The following ANKRD30BL variants were observed in gnomAD, a reference collection of about 807,000 sequenced individuals.
ANKRD30BL encodes the protein ankyrin repeat domain 30B like, also known as putative ankyrin repeat domain-containing protein 30B-like.
A neutral mutation model predicts 18.4 loss-of-function variants in ANKRD30BL; 20 were observed. That is an observed-to-expected ratio of 1.09 (90% CI 0.77 to 1.58). ANKRD30BL has a LOEUF of 1.58. ANKRD30BL is among the 40% of genes most tolerant of loss of function. ANKRD30BL has a pLI of 0.00. For synonymous variants in ANKRD30BL, 72 were observed against 100.9 expected (o/e 0.71, Z 1.72); for missense variants, 224 against 268.6 (o/e 0.83, Z 1.16).
upstream of ANKRD30BL, among the ~76,000 whole-genome samples, chr2:132,164,269 C>CTTTTTTTTTTTTTTTTTTTTTTTT (rs796313755): frequency 4.5e-4 from 50 of 112,202 alleles, 3 homozygotes; most frequent in East Asian, 5.2e-3. Flanking sequence ...TTTTCTTTTT[C>CTTTTTTTTTTTTTTTTTTTTTTTT]TTTTTTTTTT....
chr2:132,165,558 C>CAAAAA (rs71001174), upstream of ANKRD30BL, among the ~76,000 whole-genome samples: 125 of 135,164 alleles, frequency 9.2e-4, no homozygotes, highest in African/African-American at 2.9e-3. Flanking sequence ...TAGTAAAATA[C>CAAAAA]AAAAAAAAAA....
intron 1 of ANKRD30BL, among the ~76,000 whole-genome samples, chr2:132,221,380 C>A (rs1437972968): frequency 7.1e-6 from 1 of 141,540 alleles, no homozygotes; most frequent in Non-Finnish European, 1.5e-5. Context: ...GGGGGGTCAG[C>A]CCCCTGCCCG....
rs184921431 is a variant in ANKRD30BL at position 132,227,615 on chromosome 2, G to A, written n.441+29914C>T. 1.6e-3 allele frequency among the ~76,000 whole-genome samples: 243 copies of A among 152,240 alleles called. 1 individual carries two copies. The highest frequency in any genetic ancestry group is 5.4e-3 in the African/African-American group (226 of 41,562). On this transcript the variant is annotated intron_variant and non_coding_transcript_variant, in intron 1 of 4. Transcript: ENST00000470729. Reference sequence around the variant, plus strand: ...TTGATGTGTACATTCAACTCACAGAGTTAAAACTTTCTTTTGATTGGGAAG... The same window carrying A: ...TTGATGTGTACATTCAACTCACAGAATTAAAACTTTCTTTTGATTGGGAAG...
intron 1 of ANKRD30BL, among the ~76,000 whole-genome samples, chr2:132,248,127 C>T (rs1680550801): frequency 6.6e-6 from 1 of 151,812 alleles, no homozygotes; most frequent in African/African-American, 2.4e-5. Flanking sequence ...AGGCCTCAAA[C>T]AGCTCAGAAA....
intron 1 of ANKRD30BL, among the ~76,000 whole-genome samples, chr2:132,206,537 T>C (rs960515455): frequency 4.6e-5 from 7 of 152,190 alleles, no homozygotes; most frequent in African/African-American, 1.7e-4. Flanking sequence ...AGAATTATAA[T>C]AGTAAACTAC....
chr2:132,215,794 AAC>A (rs1408702954), intron 1 of ANKRD30BL, among the ~76,000 whole-genome samples: 1 of 152,130 alleles, frequency 6.6e-6, no homozygotes, highest in African/African-American at 2.4e-5. Flanking sequence ...GTAGTTTTCA[AAC>A]ACTCTTTCTG....
At chr2:132,198,254 ACCTTCTTTCTTTCTTTTCTTT>A (rs1558928346) in intron 1 of ANKRD30BL, among the ~76,000 whole-genome samples, 22 of 133,934 alleles carry the variant, frequency 1.6e-4, no homozygotes, top group African/African-American at 6.8e-4. Flanking sequence ...AATTTACTAT[ACCTTCTTTCTTTCTTTTCTTT>A]CTTTCTTTCT....
At chr2:132,212,192 C>T (rs1388039349) in intron 1 of ANKRD30BL, among the ~76,000 whole-genome samples, 1 of 151,338 alleles carries the variant, frequency 6.6e-6, no homozygotes, top group African/African-American at 2.4e-5. Context: ...ATTCTTTTTG[C>T]AGAATCTGCA....
At chr2:132,162,304 C>G (rs993942483), upstream of ANKRD30BL, among the ~76,000 whole-genome samples, 1 of 152,212 alleles carries the variant, frequency 6.6e-6, no homozygotes, top group African/African-American at 2.4e-5. Context: ...CGGCTGGTGG[C>G]GCTGGCAGGG....
chr2:132,199,358 CAAATAAATAAAT>C (rs530697723), intron 1 of ANKRD30BL, among the ~76,000 whole-genome samples: 2 of 151,788 alleles, frequency 1.3e-5, no homozygotes, highest in South Asian at 4.2e-4. Context: ...GACTCCGTCT[CAAATAAATAAAT>C]AAATAAATAA....
chr2:132,180,975 A>C (rs558905623), intron 1 of ANKRD30BL, among the ~76,000 whole-genome samples: 38 of 151,864 alleles, frequency 2.5e-4, no homozygotes, highest in Non-Finnish European at 5.1e-4. Context: ...GTGAAACTCC[A>C]TCTCTACTAA....
chr2:132,197,498 A>G (rs1038157201), intron 1 of ANKRD30BL, among the ~76,000 whole-genome samples: 58 of 151,590 alleles, frequency 3.8e-4, no homozygotes, highest in Admixed American at 1.3e-3. Context: ...ATTTCCTTCC[A>G]TTAGGTATGT....
chr2:132,202,573 T>C (rs1679129400), intron 1 of ANKRD30BL, among the ~76,000 whole-genome samples: 1 of 151,966 alleles, frequency 6.6e-6, no homozygotes, highest in African/African-American at 2.4e-5. Flanking sequence ...CTGATATAAA[T>C]TTATTTATAT....
chr2:132,186,604 TAGTCTAA>T (rs1688564337), intron 1 of ANKRD30BL, among the ~76,000 whole-genome samples: 1 of 152,206 alleles, frequency 6.6e-6, no homozygotes, highest in Non-Finnish European at 1.5e-5. Context: ...AATTAAAAAG[TAGTCTAA>T]TTCTACATAT....
At chr2:132,202,448 A>G (rs1248067114) in intron 1 of ANKRD30BL, among the ~76,000 whole-genome samples, 1 of 151,116 alleles carries the variant, frequency 6.6e-6, no homozygotes. Flanking sequence ...TTTTTTTACA[A>G]ATGGGACTTG....
At chr2:132,221,115 C>T (rs1679663502) in intron 1 of ANKRD30BL, among the ~76,000 whole-genome samples, 1 of 148,004 alleles carries the variant, frequency 6.8e-6, no homozygotes, top group South Asian at 2.1e-4. Context: ...GTGAGGAGCC[C>T]CTCCGTCCAG....
At chr2:132,191,315 T>G (rs997548821) in intron 1 of ANKRD30BL, among the ~76,000 whole-genome samples, 3 of 152,198 alleles carry the variant, frequency 2.0e-5, no homozygotes, top group African/African-American at 7.2e-5. Flanking sequence ...AGCCTGTTGG[T>G]GAACCATTTA....
chr2:132,210,294 T>C (rs1573844545), intron 1 of ANKRD30BL, among the ~76,000 whole-genome samples: 1 of 150,020 alleles, frequency 6.7e-6, no homozygotes, highest in South Asian at 2.1e-4. Context: ...TGAGCAGTTT[T>C]GAAACACTCT....
intron 1 of ANKRD30BL, chr2:132,257,440 A>G: frequency 3.2e-6 from 1 of 310,060 alleles, no homozygotes; most frequent in Non-Finnish European, 6.2e-6. Flanking sequence ...CTGACTCGGA[A>G]GGGGAAGGCG....
Sources: gnomAD v4.1 joint callset for allele counts (sites outside exome capture counted in the v4.1 genomes callset) on GRCh38, gnomAD v4.1.1 for gene constraint, MANE v1.5 for transcripts, NCBI Gene and HGNC (gene_info 2026-07-23, HGNC 2026-07-21) for gene names.